The following FDFT1 variants were observed in gnomAD, a reference collection of about 807,000 sequenced individuals.
FDFT1 encodes the protein squalene synthase.
A neutral mutation model predicts 46.8 loss-of-function variants in FDFT1; 68 were observed. The ratio of observed to expected loss-of-function variants is 1.45; its 90% CI spans 1.19 to 1.78. The LOEUF is 1.78. FDFT1 is among the 40% of genes most tolerant of loss of function. The pLI, the probability that FDFT1 is intolerant of heterozygous loss-of-function variation, is 0.00. For synonymous variants in FDFT1, 351 were observed against 185.1 expected (o/e 1.90, Z -7.28); for missense variants, 928 against 524.4 (o/e 1.77, Z -7.52).
chr8:11,826,060 C>G lies in FDFT1; in HGVS notation c.547C>G (p.Leu183Val), dbSNP rs1359519322. The change falls in exon 5 of 8, where the codon CTT becomes GTT. Residue 183 changes from leucine (L) to valine (V), a missense_variant. Physicochemically the swap from Leu to Val is conservative, Grantham distance 32 (BLOSUM62 1). Coordinates refer to ENST00000220584, the MANE Select transcript of FDFT1 (RefSeq NM_004462.5). Reference protein sequence around the residue: ...HYVAGLVGIGLSRLFSASEFE... With the variant: ...HYVAGLVGIGVSRLFSASEFE... Reference sequence around the variant, plus strand: ...TGTTGCTGGGCTGGTCGGAATTGGCCTTTCCCGTCTTTTCTCAGCCTCAGA... The same window carrying G: ...TGTTGCTGGGCTGGTCGGAATTGGCGTTTCCCGTCTTTTCTCAGCCTCAGA... 4 of 1,603,918 alleles carry G rather than the reference C, an allele frequency of 2.5e-6. No homozygotes were observed. Among genetic ancestry groups the G allele is most frequent in the Non-Finnish European group, 3.4e-6 (4 of 1,172,200 alleles).
Position 11,825,269 on chromosome 8 carries a change from C to T in FDFT1, c.511-755C>T, listed in dbSNP as rs184034307. Among the ~76,000 whole-genome samples the T allele has an allele frequency of 1.1e-3, 162 of 151,978 alleles. 1 individual carries two copies. The highest frequency in any genetic ancestry group is 3.6e-3 in the African/African-American group (150 of 41,462). ...GTTTATTGTAAAGCTAGGGCGGGCA[C>T]GGTGTCTTGGGCTGGTAATCCCAGC... On this transcript the variant is annotated intron_variant, in intron 4 of 7. Transcript: ENST00000220584.
intron 3 of FDFT1, among the ~76,000 whole-genome samples, chr8:11,812,855 C>G (rs1241724867): frequency 2.0e-5 from 3 of 152,180 alleles, no homozygotes; most frequent in Non-Finnish European, 2.9e-5. Flanking sequence ...CTAGAAATCT[C>G]ATTGTATGTT....
intron 4 of FDFT1, among the ~76,000 whole-genome samples, chr8:11,825,015 A>G (rs556967975): frequency 1.4e-4 from 21 of 152,302 alleles, no homozygotes; most frequent in African/African-American, 4.1e-4. Context: ...GATTACAGGC[A>G]TGAGCCATCG....
intron 7 of FDFT1, among the ~76,000 whole-genome samples, chr8:11,836,372 C>A (rs1372042683): frequency 6.6e-6 from 1 of 152,232 alleles, no homozygotes; most frequent in Non-Finnish European, 1.5e-5. Flanking sequence ...TGGACCTTGC[C>A]TTCTGCTCCA....
At chr8:11,836,409 C>T (rs1233829966) in intron 7 of FDFT1, among the ~76,000 whole-genome samples, 1 of 152,374 alleles carries the variant, frequency 6.6e-6, no homozygotes, top group East Asian at 1.9e-4. Flanking sequence ...TGCCCTTGGG[C>T]TTCTGACGAG....
At chr8:11,815,963 A>G (rs1242607931) in intron 3 of FDFT1, among the ~76,000 whole-genome samples, 1 of 152,162 alleles carries the variant, frequency 6.6e-6, no homozygotes, top group Non-Finnish European at 1.5e-5. Flanking sequence ...CCTGAATGGT[A>G]TTGACTGCAT....
At chr8:11,820,958 C>T (rs1042963782) in intron 3 of FDFT1, among the ~76,000 whole-genome samples, 1 of 152,206 alleles carries the variant, frequency 6.6e-6, no homozygotes, top group African/African-American at 2.4e-5. Flanking sequence ...ATCGATCTTG[C>T]TGGGAGCTGT....
chr8:11,827,676 G>A (rs1024171619), intron 5 of FDFT1, among the ~76,000 whole-genome samples: 2 of 152,240 alleles, frequency 1.3e-5, no homozygotes, highest in East Asian at 3.9e-4. Flanking sequence ...TAGTTCACAG[G>A]AAGAGACACA....
intron 1 of FDFT1, among the ~76,000 whole-genome samples, chr8:11,807,780 G>C (rs886742791): frequency 6.6e-6 from 1 of 152,220 alleles, no homozygotes; most frequent in African/African-American, 2.4e-5. Flanking sequence ...GGAATGGCTG[G>C]CTTTCTAGAG....
At chr8:11,805,576 T>C (rs1806729744) in intron 1 of FDFT1, among the ~76,000 whole-genome samples, 1 of 152,216 alleles carries the variant, frequency 6.6e-6, no homozygotes, top group Non-Finnish European at 1.5e-5. Context: ...CACAGTTACT[T>C]CATCTGTAAA....
rs549918456 is a variant in FDFT1, at chr8:11,836,943, AAG to A, written c.1033-1444_1033-1443del. ...AGCACAGGGCTAGGCTGGAGATAAA[AAG>A]GTGAGTAAGTAGGTGCGGTGTAGTC... is the stretch of plus-strand genomic sequence containing the variant. On this transcript the variant is annotated intron_variant, in intron 7 of 7. Coordinates refer to ENST00000220584, the MANE Select transcript of FDFT1 (RefSeq NM_004462.5). Among the ~76,000 whole-genome samples, 46 of 152,356 alleles carry A rather than the reference AAG, an allele frequency of 3.0e-4. No individual in the cohort carries two copies. The South Asian group carries it at 7.5e-3, about 25-fold the overall frequency.
chr8:11,802,634 C>G (rs369180238), upstream of FDFT1: 106 of 594,290 alleles, frequency 1.8e-4, no homozygotes, highest in East Asian at 2.8e-3. Flanking sequence ...CAGCCCACCC[C>G]ACGAGGCCGC....
intron 3 of FDFT1, among the ~76,000 whole-genome samples, chr8:11,813,904 T>TCCA (rs1218038341): frequency 6.8e-6 from 1 of 147,254 alleles, no homozygotes; most frequent in Admixed American, 6.7e-5. Flanking sequence ...GAAAGCCCTG[T>TCCA]CCATCCTCTG....
intron 4 of FDFT1, among the ~76,000 whole-genome samples, chr8:11,825,706 A>C (rs1044868922): frequency 2.6e-5 from 4 of 152,070 alleles, no homozygotes; most frequent in Admixed American, 2.6e-4. Flanking sequence ...ATAAAAAATA[A>C]AAATAAAAAA....
At chr8:11,819,278 A>C (rs1329749286) in intron 3 of FDFT1, among the ~76,000 whole-genome samples, 1 of 152,194 alleles carries the variant, frequency 6.6e-6, no homozygotes, top group Admixed American at 6.5e-5. Flanking sequence ...GCAGCCCTTA[A>C]CATTTTTTCC....
rs1433920703 is a variant in FDFT1, at chr8:11,830,344, A to C, written c.803A>C (p.His268Pro). 3 of 1,613,908 alleles carry C rather than the reference A, an allele frequency of 1.9e-6. No homozygotes were observed. In the East Asian group the frequency reaches 6.7e-5, roughly 36 times the overall value. ...CLNELITNAL[H>P]HIPDVITYLS... ...AATGAACTTATAACCAATGCACTGC[A>C]CCACATCCCAGATGTCATCACCTAC... The change falls in exon 6 of 8, where the codon CAC becomes CCC. Residue 268 changes from histidine (H) to proline (P), a missense_variant. His to Pro is a moderately conservative substitution (Grantham distance 77). Coordinates refer to ENST00000220584, the MANE Select transcript of FDFT1 (RefSeq NM_004462.5).
At position 11,809,729 on chromosome 8, in the gene FDFT1, C is replaced by G. The variant is rs200217031; in HGVS notation, c.260C>G (p.Thr87Ser). Residue 87 changes from threonine (T) to serine (S), a missense_variant, in exon 3 of 8, where the codon ACC becomes AGC. Transcript: ENST00000220584. Reference sequence around the variant, plus strand: ...CTGGACACACTGGAAGATGACATGACCATCAGTGTGGAAAAGAAGGTCCCG... The same window carrying G: ...CTGGACACACTGGAAGATGACATGAGCATCAGTGTGGAAAAGAAGGTCCCG... ...RALDTLEDDMTISVEKKVPLL... is the reference protein window; with the variant it reads ...RALDTLEDDMSISVEKKVPLL... 150 of 1,614,036 alleles carry G rather than the reference C, an allele frequency of 9.3e-5. No homozygotes were observed. In the East Asian group the frequency reaches 2.7e-3, roughly 29 times the overall value.
chr8:11,824,046 A>G (rs895287502), intron 4 of FDFT1, among the ~76,000 whole-genome samples: 1 of 152,036 alleles, frequency 6.6e-6, no homozygotes, highest in African/African-American at 2.4e-5. Flanking sequence ...AATTTTTTAC[A>G]GAGATGAGGT....
chr8:11,821,960 G>A, intron 4 of FDFT1, 82 bp downstream of exon 4: 1 of 1,527,620 alleles, frequency 6.5e-7, no homozygotes, highest in East Asian at 2.3e-5. Context: ...AACAAGAAAA[G>A]TTGTCCAGTA....
Sources: allele counts gnomAD v4.1 joint callset (sites outside exome capture counted in the v4.1 genomes callset), GRCh38; gene constraint gnomAD v4.1.1; transcripts MANE v1.5; gene names NCBI Gene and HGNC (gene_info 2026-07-23, HGNC 2026-07-21).